The following POLE2 variants were observed in gnomAD, a reference collection of about 807,000 sequenced individuals.
POLE2 encodes DNA polymerase epsilon 2, accessory subunit.
Under a neutral mutation model 79.4 loss-of-function variants are expected in POLE2, and 56 were observed. That is an observed-to-expected ratio of 0.71 (90% CI 0.57 to 0.88). The LOEUF (loss-of-function observed/expected upper bound fraction) is 0.88. POLE2 is among the 40% of genes least tolerant of loss of function. POLE2 has a pLI of 0.00. For synonymous variants in POLE2, 212 were observed against 214.0 expected (o/e 0.99, Z 0.08); for missense variants, 598 against 638.9 (o/e 0.94, Z 0.69).
At chr14:49,653,937 G>T in intron 15 of POLE2, 53 bp downstream of exon 15, 1 of 1,090,224 alleles carries the variant, frequency 9.2e-7, no homozygotes. Flanking sequence ...CACCACACCT[G>T]GCTAATTTTT....
chr14:49,664,686 T>C lies in POLE2; in HGVS notation c.634-12A>G, dbSNP rs1464783787. The C allele has an allele frequency of 7.8e-6, 12 of 1,540,022 alleles. No individual in the cohort carries two copies. Among genetic ancestry groups the C allele is most frequent in the South Asian group, 1.1e-5 (1 of 88,980 alleles). On this transcript the variant is annotated splice_polypyrimidine_tract_variant and intron_variant, in intron 8 of 18. Coordinates refer to ENST00000216367, the MANE Select transcript of POLE2 (RefSeq NM_002692.4). ...CCACTATGGAACTGGTACACAACAG[T>C]TGAGGAAAATAATTCTATTCTTGAG...
chr14:49,684,661 T>TA (rs568332625), intron 1 of POLE2: 3,330 of 100,214 alleles, frequency 0.033, 77 homozygotes, highest in African/African-American at 0.041. Context: ...TGACCATCAT[T>TA]AAAAAAAAAA....
intron 10 of POLE2, 100 bp from the exon 11 acceptor site, chr14:49,655,943 C>A: frequency 1.5e-6 from 1 of 648,076 alleles, no homozygotes; most frequent in Non-Finnish European, 2.6e-6. Context: ...AGTTATTTTC[C>A]AGTGTAAAAA....
intron 1 of POLE2, among the ~76,000 whole-genome samples, chr14:49,687,499 A>G (rs1427187895): frequency 3.9e-5 from 6 of 151,966 alleles, no homozygotes; most frequent in African/African-American, 1.5e-4. Flanking sequence ...CGGGTCTCTC[A>G]TCTTATGTCT....
chr14:49,674,335 G>A lies in POLE2; in HGVS notation c.323+15C>T. The A allele has an allele frequency of 6.5e-7, 1 of 1,549,922 alleles. No individual in the cohort carries two copies. Among genetic ancestry groups the A allele is most frequent in the Non-Finnish European group, 8.9e-7 (1 of 1,122,872 alleles). On this transcript the variant is annotated intron_variant, in intron 4 of 18. Transcript: ENST00000216367. The stretch of plus-strand genomic sequence containing the variant: ...CATTTGAAATTAATTTAAAATCAGT[G>A]GATGACATACTTACGGAAGAAATTT...
At chr14:49,646,312 T>TG (rs1685954201) in intron 18 of POLE2, among the ~76,000 whole-genome samples, 2 of 63,486 alleles carry the variant, frequency 3.2e-5, no homozygotes, top group Non-Finnish European at 4.3e-5. Context: ...GTTTTTTTTT[T>TG]TTTTTTTTTT....
At chr14:49,648,217 T>C (rs1291388783) in intron 17 of POLE2, among the ~76,000 whole-genome samples, 1 of 152,238 alleles carries the variant, frequency 6.6e-6, no homozygotes, top group Admixed American at 6.5e-5. Context: ...TCAGTCTTTG[T>C]GCCCCAAGCA....
At chr14:49,669,704 T>C in intron 5 of POLE2, 106 bp from the exon 6 acceptor site, 3 of 618,210 alleles carry the variant, frequency 4.9e-6, no homozygotes, top group Non-Finnish European at 8.7e-6. Flanking sequence ...AATGTCACTA[T>C]TACTTATTCT....
At chr14:49,678,758 G>A (rs1464600272) in intron 3 of POLE2, among the ~76,000 whole-genome samples, 2 of 152,064 alleles carry the variant, frequency 1.3e-5, no homozygotes, top group Non-Finnish European at 2.9e-5. Context: ...GCAGGCTCAA[G>A]CAATTCTCCT....
chr14:49,681,080 T>A (rs997545354), intron 2 of POLE2, among the ~76,000 whole-genome samples: 1 of 152,196 alleles, frequency 6.6e-6, no homozygotes. Flanking sequence ...CTATATAACA[T>A]TAAGAGTGAA....
intron 18 of POLE2, among the ~76,000 whole-genome samples, chr14:49,645,783 A>C (rs1883716514): frequency 6.6e-6 from 1 of 152,198 alleles, no homozygotes; most frequent in African/African-American, 2.4e-5. Context: ...GGTGTGGGCC[A>C]CCACACCCAG....
chr14:49,682,666 A>AAAAAAAG (rs1886813818), intron 2 of POLE2, among the ~76,000 whole-genome samples: 1 of 145,764 alleles, frequency 6.9e-6, no homozygotes, highest in African/African-American at 2.5e-5. Context: ...AAAAAAAAAA[A>AAAAAAAG]GTCTATTTTC....
chr14:49,653,152 A>C (rs1220305000), intron 15 of POLE2, among the ~76,000 whole-genome samples: 4 of 152,310 alleles, frequency 2.6e-5, no homozygotes, highest in Admixed American at 6.5e-5. Context: ...TTAGGTTGGG[A>C]TGGTGATAAG....
chr14:49,678,269 C>T (rs1886444838), intron 3 of POLE2, among the ~76,000 whole-genome samples: 1 of 152,044 alleles, frequency 6.6e-6, no homozygotes, highest in Admixed American at 6.6e-5. Flanking sequence ...TCCCAAAGTG[C>T]TGGGATTACG....
In POLE2 at chr14:49,675,741, A is replaced by C. The variant is rs144821765; in HGVS notation, c.246-1314T>G. Reference sequence around the variant, plus strand: ...ATGCCCAACCCCAACAATTTTAAAAATCTAAAATGTTTTTTGTTTGTTGTT... The same window carrying C: ...ATGCCCAACCCCAACAATTTTAAAACTCTAAAATGTTTTTTGTTTGTTGTT... On this transcript the variant is annotated intron_variant, in intron 3 of 18. Transcript: ENST00000216367. Among the ~76,000 whole-genome samples, 35 of 140,828 alleles carry C rather than the reference A, an allele frequency of 2.5e-4. 1 individual carries two copies. In the East Asian group the frequency reaches 6.5e-3, roughly 26 times the overall value. The allele number at this position is 140,828 out of a possible 152,430, so 92.4% of individuals were successfully genotyped here. A position where few individuals can be genotyped will look rare whatever the true frequency, so the allele number is the denominator to read the frequency against.
At chr14:49,677,318 G>A (rs1035580266) in intron 3 of POLE2, 26 of 528,244 alleles carry the variant, frequency 4.9e-5, no homozygotes, top group Admixed American at 2.4e-4. Context: ...GAGAAAGGCC[G>A]AAGGACGATG....
At chr14:49,687,064 ACTTGAGCCCAGGAGTTCAAGAC>A (rs1887189978) in intron 1 of POLE2, among the ~76,000 whole-genome samples, 1 of 152,018 alleles carries the variant, frequency 6.6e-6, no homozygotes, top group Non-Finnish European at 1.5e-5. Flanking sequence ...CGCGAGGACT[ACTTGAGCCCAGGAGTTCAAGAC>A]CAGCCTGGGC....
chr14:49,679,926 G>T, intron 2 of POLE2, 126 bp from the exon 3 acceptor site: 1 of 602,666 alleles, frequency 1.7e-6, no homozygotes, highest in Non-Finnish European at 3.0e-6. Context: ...ACAGTTTTTG[G>T]AGAAAAAAAG....
chr14:49,653,937 G>A (rs1202005841), intron 15 of POLE2, 53 bp downstream of exon 15: 10 of 1,090,108 alleles, frequency 9.2e-6, no homozygotes, highest in Non-Finnish European at 1.2e-5. Context: ...CACCACACCT[G>A]GCTAATTTTT....
Sources: allele counts gnomAD v4.1 joint callset (sites outside exome capture counted in the v4.1 genomes callset), GRCh38; gene constraint gnomAD v4.1.1; transcripts MANE v1.5; gene names NCBI Gene and HGNC (gene_info 2026-07-23, HGNC 2026-07-21).